The following JHY variants were observed in gnomAD, a reference collection of about 807,000 sequenced individuals.
JHY encodes the protein jhy protein homolog.
A neutral mutation model predicts 78.0 loss-of-function variants in JHY; 69 were observed. That is an observed-to-expected ratio of 0.88 (90% confidence interval 0.73 to 1.08). The LOEUF (loss-of-function observed/expected upper bound fraction) is 1.08. JHY is among the 50% of genes least tolerant of loss of function. JHY has a pLI of 0.00. For synonymous variants in JHY, 368 were observed against 342.6 expected (o/e 1.07, Z -0.82); for missense variants, 944 against 927.8 (o/e 1.02, Z -0.23).
In JHY at chr11:122,935,159, G is replaced by A; in HGVS notation, c.1634+84G>A. ...AAGACGGGAGAGGAAGAAGGGGAAG[G>A]GGAATCCATAAGGTGGCTAGGTGAG... On this transcript the variant is annotated intron_variant, in intron 5 of 8. Coordinates refer to ENST00000227349, the MANE Select transcript of JHY (RefSeq NM_024806.4). This position sits in a 1 kb window ranked among gnomAD's most constrained non-coding sequence, Gnocchi z 4.5. 1.6e-6 allele frequency: 2 copies of A among 1,289,940 alleles called. No homozygotes were observed. Among genetic ancestry groups the A allele is most frequent in the Non-Finnish European group, 2.1e-6 (2 of 946,470 alleles). 79.9% of individuals were successfully genotyped at this position (1,289,940 alleles called of 1,614,324 possible).
At chr11:122,910,619 C>T (rs1015331305) in intron 3 of JHY, among the ~76,000 whole-genome samples, 1 of 152,092 alleles carries the variant, frequency 6.6e-6, no homozygotes, top group Non-Finnish European at 1.5e-5. Flanking sequence ...TTACTGTGTA[C>T]CTTTTCAAAT....
chr11:122,920,329 C>A (rs1245003112), intron 3 of JHY, among the ~76,000 whole-genome samples: 1 of 152,122 alleles, frequency 6.6e-6, no homozygotes, highest in Admixed American at 6.5e-5. Flanking sequence ...TGGATATGTG[C>A]TAGTTGTCAA....
intron 7 of JHY, among the ~76,000 whole-genome samples, chr11:122,956,970 T>C (rs547431335): frequency 6.6e-6 from 1 of 152,274 alleles, no homozygotes; most frequent in South Asian, 2.1e-4. Flanking sequence ...TCCACTTTAT[T>C]CTCTTTCCTC....
intron 5 of JHY, among the ~76,000 whole-genome samples, chr11:122,937,002 G>A (rs1254022182): frequency 6.6e-6 from 1 of 152,012 alleles, no homozygotes; most frequent in East Asian, 1.9e-4. Flanking sequence ...GTTTTGTTTG[G>A]CTTTTTGTTG....
intron 4 of JHY, among the ~76,000 whole-genome samples, chr11:122,930,219 T>A (rs1044219988): frequency 8.5e-5 from 13 of 152,124 alleles, no homozygotes; most frequent in African/African-American, 3.1e-4. Flanking sequence ...TAGCTGGGAT[T>A]ACAGGTGCAG....
rs1863937392 is a variant in JHY, at chr11:122,945,057, C to T, written c.1635-1441C>T. Among the ~76,000 whole-genome samples, 3 of 152,106 alleles carry T rather than the reference C, an allele frequency of 2.0e-5. No individual in the cohort carries two copies. In the South Asian group the frequency reaches 6.2e-4, roughly 32 times the overall value. ...AATGAAAAATTATCACACATGTTCC[C>T]TTTGAATATTATGTCTCTCAAATTT... On this transcript the variant is annotated intron_variant, in intron 5 of 8. Coordinates refer to ENST00000227349, the MANE Select transcript of JHY (RefSeq NM_024806.4).
rs1284791239 is a variant in JHY at position 122,883,547 on chromosome 11, T to G, written c.-90+575T>G. On this transcript the variant is annotated intron_variant, in intron 1 of 8. Transcript: ENST00000227349. This position sits in a 1 kb window ranked among gnomAD's most constrained non-coding sequence, Gnocchi z 4.4. Reference sequence around the variant, plus strand: ...TCGCTGTCTTGTTTATTCAGGAGACTAGTCACCTCTCTTGGTCAGAAATTT... The same window carrying G: ...TCGCTGTCTTGTTTATTCAGGAGACGAGTCACCTCTCTTGGTCAGAAATTT... Among the ~76,000 whole-genome samples the G allele has an allele frequency of 6.6e-6, 1 of 151,896 alleles. No individual in the cohort carries two copies. The highest frequency in any genetic ancestry group is 2.4e-5 in the African/African-American group (1 of 41,378).
chr11:122,915,123 T>A (rs144276620), intron 3 of JHY, among the ~76,000 whole-genome samples: 85 of 152,296 alleles, frequency 5.6e-4, no homozygotes, highest in African/African-American at 1.9e-3. Context: ...CTATCATTTT[T>A]AAGGATAGTT....
intron 2 of JHY, among the ~76,000 whole-genome samples, chr11:122,892,467 C>T (rs538805610): frequency 2.7e-4 from 41 of 151,976 alleles, no homozygotes; most frequent in African/African-American, 8.7e-4. Context: ...GGACTACAGG[C>T]GCGTGCCACC....
At chr11:122,924,674 C>T (rs931421324) in intron 3 of JHY, among the ~76,000 whole-genome samples, 8 of 152,166 alleles carry the variant, frequency 5.3e-5, no homozygotes, top group South Asian at 2.1e-4. Flanking sequence ...TTGACCTTAA[C>T]GCACCAGTTT....
chr11:122,926,068 G>T (rs1249612839), intron 4 of JHY, among the ~76,000 whole-genome samples: 3 of 149,916 alleles, frequency 2.0e-5, no homozygotes, highest in African/African-American at 7.4e-5. Flanking sequence ...CTCACCTGTA[G>T]TCCCAGCTAC....
chr11:122,930,897 A>AT (rs1863621002), intron 4 of JHY, among the ~76,000 whole-genome samples: 1 of 152,078 alleles, frequency 6.6e-6, no homozygotes, highest in Non-Finnish European at 1.5e-5. Flanking sequence ...ACAGAGGTTT[A>AT]TTTTTTTCAC....
chr11:122,914,588 G>A (rs1863197725), intron 3 of JHY, among the ~76,000 whole-genome samples: 1 of 152,044 alleles, frequency 6.6e-6, no homozygotes, highest in African/African-American at 2.4e-5. Flanking sequence ...GGGATTATAG[G>A]CGTCTACCAC....
chr11:122,926,695 C>A (rs1366253616), intron 4 of JHY, among the ~76,000 whole-genome samples: 1 of 152,184 alleles, frequency 6.6e-6, no homozygotes, highest in Non-Finnish European at 1.5e-5. Context: ...AAGGAAATAC[C>A]TTAAGATTTG....
In JHY at chr11:122,959,817, C is replaced by A; in HGVS notation, c.*372C>A. 5.9e-6 allele frequency: 1 copy of A among 168,852 alleles called. No homozygotes were observed. The highest frequency in any genetic ancestry group is 1.3e-5 in the Non-Finnish European group (1 of 79,554). 10.5% of individuals were successfully genotyped at this position (168,852 alleles called of 1,614,324 possible). A position where few individuals can be genotyped will look rare whatever the true frequency, so the allele number is the denominator to read the frequency against. ...TGTAGCTGTGTTTCTCTCTTACCTT[C>A]CTAGTAAGAAAAACAAGTATAAACA... On this transcript the variant is annotated 3_prime_UTR_variant, in exon 9 of 9. Transcript: ENST00000227349.
intron 2 of JHY, among the ~76,000 whole-genome samples, chr11:122,897,713 G>A (rs1402933983): frequency 1.3e-5 from 2 of 152,140 alleles, no homozygotes; most frequent in African/African-American, 4.8e-5. Context: ...ATCATACAGA[G>A]AAACAAAGCA....
At chr11:122,947,798 A>G (rs1365437644) in intron 6 of JHY, among the ~76,000 whole-genome samples, 1 of 152,146 alleles carries the variant, frequency 6.6e-6, no homozygotes, top group Admixed American at 6.6e-5. Flanking sequence ...GAGTGAGGGA[A>G]GCGGGGCTGG....
At position 122,963,168 on chromosome 11, in the gene JHY, T is replaced by C. The variant is rs78803608; in HGVS notation, c.*3723T>C. Among the ~76,000 whole-genome samples, 9 of 152,176 alleles carry C rather than the reference T, an allele frequency of 5.9e-5. No homozygotes were observed. Among genetic ancestry groups the C allele is most frequent in the South Asian group, 2.1e-4 (1 of 4,812 alleles). On this transcript the variant is annotated 3_prime_UTR_variant, in exon 9 of 9. Coordinates refer to ENST00000227349, the MANE Select transcript of JHY (RefSeq NM_024806.4). ...GACACTATTTATTTTCTTTTTTTTT[T>C]CCAGAACATTTCAAAAACTTCCCAT...
At chr11:122,947,067 T>G (rs539323267) in intron 6 of JHY, 19 of 310,628 alleles carry the variant, frequency 6.1e-5, no homozygotes, top group East Asian at 3.2e-4. Flanking sequence ...GTGGCAGAAC[T>G]CCTCCTTTCA....
Sources: gnomAD v4.1 joint callset for allele counts (sites outside exome capture counted in the v4.1 genomes callset) on GRCh38, gnomAD v4.1.1 for gene constraint, Gnocchi (gnomAD v3.1) non-coding constraint, MANE v1.5 for transcripts, NCBI Gene and HGNC (gene_info 2026-07-23, HGNC 2026-07-21) for gene names.